Variants in EMILIN2 observed in about 807,000 individuals in gnomAD.
EMILIN2 encodes EMILIN-2.
EMILIN2 carries 71 observed loss-of-function variants against 87.1 expected under a neutral mutation model. The observed-to-expected ratio is 0.82, with a 90% CI of 0.67 to 0.99. The LOEUF (loss-of-function observed/expected upper bound fraction) is 0.99. Ranked by LOEUF, EMILIN2 falls within the 50% of genes least tolerant of loss-of-function variation. EMILIN2 has a pLI of 0.00. For missense variants in EMILIN2, 1,407 were observed against 1,371.8 expected (o/e 1.03, Z -0.40); for synonymous variants, 581 against 563.4 (o/e 1.03, Z -0.44).
In EMILIN2 at chr18:2,847,506, C is replaced by G. The variant is rs923899110; in HGVS notation, c.134+184C>G. 6.6e-6 allele frequency among the ~76,000 whole-genome samples: 1 copy of G among 151,664 alleles called. No individual in the cohort carries two copies. The highest frequency in any genetic ancestry group is 6.6e-5 in the Admixed American group (1 of 15,222). ...CCGGCGCCTCAGGCAGAGCTGACTC[C>G]GGGGGCGTGGGCGCAGAGAGCGTCC... is the stretch of plus-strand genomic sequence containing the variant. On this transcript the variant is annotated intron_variant, in intron 1 of 7. Transcript: ENST00000254528. The surrounding 1 kb of genome is among the most constrained non-coding windows in gnomAD (Gnocchi z 4.5).
rs965635925 is a variant in EMILIN2, at chr18:2,880,730, G to A, written c.258-4234G>A. ...AGTGAGCATCTCCCGTGTGCTCACAGCCCGGGGCCCCTGGGGATGCTTGGG... is the reference window on the plus strand; with the variant it reads ...AGTGAGCATCTCCCGTGTGCTCACAACCCGGGGCCCCTGGGGATGCTTGGG... On this transcript the variant is annotated intron_variant, in intron 2 of 7. Transcript: ENST00000254528. The surrounding 1 kb of genome is among the most constrained non-coding windows in gnomAD (Gnocchi z 4.1). 6.6e-6 allele frequency among the ~76,000 whole-genome samples: 1 copy of A among 152,188 alleles called. No homozygotes were observed. Among genetic ancestry groups the A allele is most frequent in the South Asian group, 2.1e-4 (1 of 4,828 alleles).
At position 2,894,940 on chromosome 18, in the gene EMILIN2, G is replaced by A. The variant is rs1055572424; in HGVS notation, c.2359+2454G>A. Among the ~76,000 whole-genome samples the A allele has an allele frequency of 6.6e-6, 1 of 152,150 alleles. No individual in the cohort carries two copies. Among genetic ancestry groups the A allele is most frequent in the Non-Finnish European group, 1.5e-5 (1 of 68,032 alleles). The stretch of plus-strand genomic sequence containing the variant: ...GTGCAAGGCTCTTGGGGGACCTGGA[G>A]ATAAGTAGGCATAATCCTTATTCTA... On this transcript the variant is annotated intron_variant, in intron 4 of 7. Coordinates refer to ENST00000254528, the MANE Select transcript of EMILIN2 (RefSeq NM_032048.3). This position sits in a 1 kb window ranked among gnomAD's most constrained non-coding sequence, Gnocchi z 5.0.
At chr18:2,870,541 G>A (rs115584135) in intron 2 of EMILIN2, among the ~76,000 whole-genome samples, 3,402 of 152,272 alleles carry the variant, frequency 0.022, 123 homozygotes, top group African/African-American at 0.076. Context: ...AAATAATTAC[G>A]ACATAAAAGG....
chr18:2,852,043 C>T (rs1003381240), intron 2 of EMILIN2, among the ~76,000 whole-genome samples: 1 of 152,134 alleles, frequency 6.6e-6, no homozygotes, highest in African/African-American at 2.4e-5. Flanking sequence ...GTTTGTTTGT[C>T]TTAGTGTGTG....
rs542675286 is a variant in EMILIN2, at chr18:2,895,091, G to A, written c.2359+2605G>A. Among the ~76,000 whole-genome samples the A allele has an allele frequency of 4.6e-5, 7 of 152,174 alleles. No individual in the cohort carries two copies. In the South Asian group the frequency reaches 1.5e-3, roughly 32 times the overall value. On this transcript the variant is annotated intron_variant, in intron 4 of 7. Transcript: ENST00000254528. ...TTACTGAGCCCCTATTATGTGGTAG[G>A]TAATGGCTGTGTGGGGGAGTATGTG...
Position 2,913,098 on chromosome 18 carries a change from C to T in EMILIN2, c.2856C>T (p.Tyr952=). ...GVFTAPYDGR[Y]LITATLTPER... is the part of the protein sequence containing the mutation. ...TCACGGCTCCTTATGATGGGCGCTA[C>T]CTGATCACGGCCACCCTCACCCCCG... Residue 952 remains tyrosine (Y), a synonymous_variant, in exon 8 of 8, where the codon TAC becomes TAT. Coordinates refer to ENST00000254528, the MANE Select transcript of EMILIN2 (RefSeq NM_032048.3). 1 of 1,611,968 alleles carries T rather than the reference C, an allele frequency of 6.2e-7. No individual in the cohort carries two copies. Among genetic ancestry groups the T allele is most frequent in the African/African-American group, 1.3e-5 (1 of 75,042 alleles).
In EMILIN2 at chr18:2,868,081, A is replaced by ATGGGGCGGCTGCCGGG. The variant is rs1231419899; in HGVS notation, c.258-16880_258-16879insGGCGGCTGCCGGGTGG. The stretch of plus-strand genomic sequence containing the variant: ...CTGGACGGGGCTCCTCACTTCTCAG[A>ATGGGGCGGCTGCCGGG]TGGAGCGGCTGCCGGGTGGAGGGAC... On this transcript the variant is annotated intron_variant, in intron 2 of 7. Coordinates refer to ENST00000254528, the MANE Select transcript of EMILIN2 (RefSeq NM_032048.3). Among the ~76,000 whole-genome samples, 30 of 151,490 alleles carry ATGGGGCGGCTGCCGGG rather than the reference A, an allele frequency of 2.0e-4. 1 individual carries two copies. The highest frequency in any genetic ancestry group is 7.1e-4 in the African/African-American group (29 of 41,120).
At chr18:2,904,601 G>C (rs601401) in intron 4 of EMILIN2, among the ~76,000 whole-genome samples, 79,418 of 151,720 alleles carry the variant, frequency 0.52, 21,807 homozygotes, top group South Asian at 0.62. Context: ...CTTATTCTCT[G>C]ACTATCCCTT....
At chr18:2,907,210 C>T in intron 5 of EMILIN2, 125 bp downstream of exon 5, 1 of 1,070,414 alleles carries the variant, frequency 9.3e-7, no homozygotes, top group East Asian at 3.3e-5. Flanking sequence ...TTCCGAAATG[C>T]AGCTTTGGAA....
chr18:2,880,083 T>C lies in EMILIN2; in HGVS notation c.258-4881T>C, dbSNP rs903721101. ...AATTCTATCCTCATGGGGCTTACAGTCTGGCAGGGAGGACAAACACGGAGT... is the reference window on the plus strand; with the variant it reads ...AATTCTATCCTCATGGGGCTTACAGCCTGGCAGGGAGGACAAACACGGAGT... On this transcript the variant is annotated intron_variant, in intron 2 of 7. Transcript: ENST00000254528. This position sits in a 1 kb window ranked among gnomAD's most constrained non-coding sequence, Gnocchi z 4.1. Among the ~76,000 whole-genome samples the C allele has an allele frequency of 6.6e-6, 1 of 152,142 alleles. No individual in the cohort carries two copies. The highest frequency in any genetic ancestry group is 1.5e-5 in the Non-Finnish European group (1 of 68,016).
chr18:2,889,335 G>A lies in EMILIN2; in HGVS notation c.434-1226G>A, dbSNP rs574133767. Among the ~76,000 whole-genome samples the A allele has an allele frequency of 1.1e-4, 17 of 151,502 alleles. No homozygotes were observed. In the South Asian group the frequency reaches 2.1e-3, roughly 19 times the overall value. On this transcript the variant is annotated intron_variant, in intron 3 of 7. Transcript: ENST00000254528. ...GTATTTTTAGTAGAGATGGGGTTAC[G>A]CCATGTTGGCCAGGCTGGTCTTGAA...
intron 2 of EMILIN2, among the ~76,000 whole-genome samples, chr18:2,874,977 T>G (rs2076739884): frequency 6.6e-6 from 1 of 152,208 alleles, no homozygotes; most frequent in Admixed American, 6.5e-5. Flanking sequence ...CCACTTCTCT[T>G]GATGTACAGG....
intron 2 of EMILIN2, among the ~76,000 whole-genome samples, chr18:2,858,563 A>G (rs1172931248): frequency 0.029 from 1,984 of 68,590 alleles, 364 homozygotes; most frequent in African/African-American, 0.19. Context: ...ATATATATAT[A>G]TATATATGTG....
At chr18:2,893,710 A>T (rs1462629008) in intron 4 of EMILIN2, among the ~76,000 whole-genome samples, 2 of 152,130 alleles carry the variant, frequency 1.3e-5, no homozygotes, top group African/African-American at 4.8e-5. Context: ...CGCGTTTTTG[A>T]ACACTTTCTA....
chr18:2,909,557 T>G, intron 6 of EMILIN2, 134 bp from the exon 7 acceptor site: 1 of 1,152,822 alleles, frequency 8.7e-7, no homozygotes, highest in South Asian at 1.5e-5. Flanking sequence ...GCATGAGGAG[T>G]TTGCTTCACC....
chr18:2,850,504 C>T (rs1047924795), intron 2 of EMILIN2, among the ~76,000 whole-genome samples: 2 of 151,880 alleles, frequency 1.3e-5, no homozygotes, highest in Admixed American at 1.3e-4. Context: ...CTGTTCGGCT[C>T]AAGCGATCCT....
intron 3 of EMILIN2, among the ~76,000 whole-genome samples, chr18:2,888,102 G>C (rs1051392711): frequency 1.1e-4 from 16 of 152,250 alleles, no homozygotes; most frequent in African/African-American, 3.9e-4. Flanking sequence ...TAGGTTGTTT[G>C]TAATTTTTCA....
intron 6 of EMILIN2, 56 bp from the exon 7 acceptor site, chr18:2,909,635 C>G: frequency 6.3e-7 from 1 of 1,589,826 alleles, no homozygotes; most frequent in Non-Finnish European, 8.5e-7. Context: ...TCCAGGCCCT[C>G]CCCCTGGAGG....
Position 2,892,011 on chromosome 18 carries a change from A to C in EMILIN2, c.1884A>C (p.Glu628Asp). ...ATGATGTGACTCATCTTCAAAAGGA[A>C]ATGAGCAATTGTAGAGCAGGTGAAA... ...TENDVTHLQK[E>D]MSNCRAGENA... The change falls in exon 4 of 8, where the codon GAA (glutamate) becomes GAC (aspartate). Residue 628 changes from glutamate to aspartate, a missense_variant. Glu to Asp is a conservative substitution (Grantham distance 45). Transcript: ENST00000254528. 1 of 1,614,242 alleles carries C rather than the reference A, an allele frequency of 6.2e-7. No individual in the cohort carries two copies. Among genetic ancestry groups the C allele is most frequent in the Non-Finnish European group, 8.5e-7 (1 of 1,180,044 alleles).
Sources: gnomAD v4.1 joint callset for allele counts (sites outside exome capture counted in the v4.1 genomes callset) on GRCh38, gnomAD v4.1.1 for gene constraint, Gnocchi (gnomAD v3.1) non-coding constraint, MANE v1.5 for transcripts, NCBI Gene and HGNC (gene_info 2026-07-23, HGNC 2026-07-21) for gene names.